Variants in NRDC observed in about 807,000 individuals in gnomAD.
NRDC encodes the protein nardilysin.
A neutral mutation model predicts 147.1 loss-of-function variants in NRDC; 54 were observed. The ratio of observed to expected loss-of-function variants is 0.37; its 90% confidence interval spans 0.29 to 0.46. The LOEUF is 0.46. Among genes scored for constraint, NRDC ranks in the 20% least tolerant of loss-of-function variants. NRDC has a pLI of 1.00. For synonymous variants in NRDC, 440 were observed against 482.1 expected (o/e 0.91, Z 1.14); for missense variants, 1,082 against 1,370.6 (o/e 0.79, Z 3.33).
intron 21 of NRDC, 144 bp from the exon 22 acceptor site, chr1:51,798,555 G>T: frequency 1.5e-6 from 1 of 655,126 alleles, no homozygotes; most frequent in Non-Finnish European, 2.5e-6. Flanking sequence ...TGGGAAAACA[G>T]TATCAGATTA....
In NRDC at chr1:51,868,933, T is replaced by A. The variant is rs769690460; in HGVS notation, c.341+9342A>T. On this transcript the variant is annotated intron_variant, in intron 1 of 30. Transcript: ENST00000352171. Reference sequence around the variant, plus strand: ...TACCAGTGGTTAATGCAGGGTAGAATAATTATGGAGAATTCTCTCTTTTTG... The same window carrying A: ...TACCAGTGGTTAATGCAGGGTAGAAAAATTATGGAGAATTCTCTCTTTTTG... 3.5e-4 allele frequency among the ~76,000 whole-genome samples: 53 copies of A among 152,128 alleles called. 1 individual carries two copies. Among genetic ancestry groups the A allele is most frequent in the Admixed American group, 1.3e-4 (2 of 15,270 alleles).
chr1:51,808,839 C>A (rs552649124), intron 17 of NRDC, among the ~76,000 whole-genome samples: 8 of 152,298 alleles, frequency 5.3e-5, no homozygotes, highest in African/African-American at 1.9e-4. Context: ...AACATTATTT[C>A]TACATGCAAT....
At chr1:51,811,914 A>G (rs1679739134) in intron 15 of NRDC, 80 bp downstream of exon 15, 2 of 894,910 alleles carry the variant, frequency 2.2e-6, no homozygotes, top group East Asian at 2.5e-5. Context: ...CTTCGTTCCC[A>G]TGGTTCTTAA....
chr1:51,853,059 T>C (rs1411528048), intron 1 of NRDC, among the ~76,000 whole-genome samples: 1 of 151,836 alleles, frequency 6.6e-6, no homozygotes, highest in Non-Finnish European at 1.5e-5. Flanking sequence ...CTGTCTCTAC[T>C]AAAAATACAA....
chr1:51,814,850 C>G (rs1679885974), intron 11 of NRDC, 37 bp from the exon 12 acceptor site: 1 of 1,540,648 alleles, frequency 6.5e-7, no homozygotes, highest in Non-Finnish European at 8.7e-7. Flanking sequence ...ATCAATGTTC[C>G]TGGATTGACA....
intron 11 of NRDC, among the ~76,000 whole-genome samples, chr1:51,815,680 T>TC (rs60191778): frequency 0.045 from 6,883 of 152,266 alleles, 502 homozygotes; most frequent in African/African-American, 0.16. Context: ...CACGAAAGTG[T>TC]CTTAAAAATA....
intron 1 of NRDC, among the ~76,000 whole-genome samples, chr1:51,848,507 T>G (rs998781474): frequency 4.6e-5 from 7 of 151,678 alleles, no homozygotes; most frequent in Non-Finnish European, 8.8e-5. Flanking sequence ...AATAATAAGG[T>G]ACAAATATCG....
At chr1:51,805,471 T>A in intron 19 of NRDC, 39 bp downstream of exon 19, 1 of 1,456,924 alleles carries the variant, frequency 6.9e-7, no homozygotes, top group Non-Finnish European at 9.4e-7. Context: ...TTTCAATAAC[T>A]AAAAAATGTA....
intron 29 of NRDC, 160 bp from the exon 30 acceptor site, chr1:51,789,817 TGAA>T: frequency 1.6e-6 from 1 of 608,850 alleles, no homozygotes; most frequent in South Asian, 2.0e-5. Context: ...AAAACGATGA[TGAA>T]GCTCTCTGGC....
intron 1 of NRDC, among the ~76,000 whole-genome samples, chr1:51,868,394 A>AGAAGAT (rs371085243): frequency 7.9e-5 from 12 of 152,266 alleles, no homozygotes; most frequent in African/African-American, 2.9e-4. Flanking sequence ...ATAGCACAAC[A>AGAAGAT]GAAGATGAAG....
intron 27 of NRDC, 87 bp downstream of exon 27, chr1:51,791,491 G>C (rs1678652146): frequency 9.3e-7 from 1 of 1,075,036 alleles, no homozygotes; most frequent in Non-Finnish European, 1.4e-6. Context: ...GCTTGGTCAG[G>C]GTTGCCCAAG....
Position 51,792,030 on chromosome 1 carries a change from C to T in NRDC, c.2876+16G>A. The T allele has an allele frequency of 6.2e-7, 1 of 1,613,948 alleles. No individual in the cohort carries two copies. Among genetic ancestry groups the T allele is most frequent in the Non-Finnish European group, 8.5e-7 (1 of 1,179,868 alleles). On this transcript the variant is annotated intron_variant, in intron 26 of 30. Coordinates refer to ENST00000352171, the MANE Select transcript of NRDC (RefSeq NM_001101662.2). ...AGGCCCTTATTTGAGCTCAGTGGCC[C>T]TGCCAGCTGACTTACCCAAGGGTCT...
At chr1:51,868,082 T>G (rs930228325) in intron 1 of NRDC, among the ~76,000 whole-genome samples, 4 of 152,112 alleles carry the variant, frequency 2.6e-5, no homozygotes, top group Non-Finnish European at 4.4e-5. Context: ...AGAGTAGAGA[T>G]AAGGTCTTAG....
intron 9 of NRDC, among the ~76,000 whole-genome samples, chr1:51,818,392 C>T (rs1680065378): frequency 1.3e-5 from 2 of 152,174 alleles, no homozygotes; most frequent in African/African-American, 4.8e-5. Flanking sequence ...GTGTATGGAT[C>T]TCTTCTTGCA....
rs41302798 is a variant in NRDC, at chr1:51,816,279, T to C, written c.1439+33A>G. 1.9e-3 allele frequency: 2,596 copies of C among 1,384,630 alleles called. 4 individuals are homozygous for C. The highest frequency in any genetic ancestry group is 2.5e-3 in the Non-Finnish European group (2,451 of 999,642). The allele number at this position is 1,384,630 out of a possible 1,614,324, so 85.8% of individuals were successfully genotyped here. A position where few individuals can be genotyped will look rare whatever the true frequency, so the allele number is the denominator to read the frequency against. ...TTGTCTACTATTTTTCAGAGATTGC[T>C]ATACTGAAAATACTTATTAATTGAA... On this transcript the variant is annotated intron_variant, in intron 11 of 30. Coordinates refer to ENST00000352171, the MANE Select transcript of NRDC (RefSeq NM_001101662.2).
Position 51,823,753 on chromosome 1 carries a change from T to C in NRDC, c.1070A>G (p.Lys357Arg), listed in dbSNP as rs1680314328. ...NAETLKHEPR[K>R]NNIDTHARLR... ...TCTAGCATGTGTATCAATATTATTC[T>C]TTCTTGGCTCATGCTTGAGCGTCTC... Residue 357 changes from lysine (K) to arginine (R), a missense_variant, in exon 7 of 31, where the codon AAG (lysine) becomes AGG (arginine). This residue lies in a region of NRDC where 635 missense variants were observed against 923.8 expected (regional missense o/e 0.69). Transcript: ENST00000352171. 1 of 1,606,910 alleles carries C rather than the reference T, an allele frequency of 6.2e-7. No individual in the cohort carries two copies. The highest frequency in any genetic ancestry group is 8.5e-7 in the Non-Finnish European group (1 of 1,174,658).
At chr1:51,873,728 C>T (rs1384768382) in intron 1 of NRDC, among the ~76,000 whole-genome samples, 1 of 151,488 alleles carries the variant, frequency 6.6e-6, no homozygotes, top group Non-Finnish European at 1.5e-5. Context: ...CCAGGCTGGT[C>T]TTGAACTCCT....
chr1:51,803,524 G>C (rs1028663292), intron 20 of NRDC, among the ~76,000 whole-genome samples: 1 of 149,424 alleles, frequency 6.7e-6, no homozygotes, highest in Non-Finnish European at 1.5e-5. Flanking sequence ...AATTTAGCTA[G>C]AACCAATCCT....
chr1:51,827,703 T>G, intron 5 of NRDC, 93 bp downstream of exon 5: 1 of 930,882 alleles, frequency 1.1e-6, no homozygotes, highest in Non-Finnish European at 1.7e-6. Flanking sequence ...AATATAAAGA[T>G]AAAATGGTCT....
Sources: allele counts gnomAD v4.1 joint callset (sites outside exome capture counted in the v4.1 genomes callset), GRCh38; gene constraint gnomAD v4.1.1; regional missense constraint gnomAD v4.1.1; transcripts MANE v1.5; gene names NCBI Gene and HGNC (gene_info 2026-07-23, HGNC 2026-07-21).